The following CLSTN2 variants were observed in gnomAD, a reference collection of about 807,000 sequenced individuals.
CLSTN2 encodes the protein calsyntenin-2.
CLSTN2 carries 48 observed loss-of-function variants against 101.2 expected under a neutral mutation model. That is an observed-to-expected ratio of 0.47 (90% CI 0.38 to 0.60). The LOEUF (loss-of-function observed/expected upper bound fraction) is 0.60. Among genes scored for constraint, CLSTN2 ranks in the 20% least tolerant of loss-of-function variants. The probability of loss-of-function intolerance (pLI) is 0.00; values close to 1 mark genes in which losing one functional copy is unlikely to be tolerated. For missense variants in CLSTN2, 1,160 were observed against 1,238.2 expected (o/e 0.94, Z 0.95); for synonymous variants, 481 against 463.6 (o/e 1.04, Z -0.48).
rs2350511 is a variant in CLSTN2 at position 140,228,192 on chromosome 3, C to T, written c.232+52119C>T. On this transcript the variant is annotated intron_variant, in intron 2 of 16. Transcript: ENST00000458420. ...TAAAACTGAATGCCTTTAACAGCAC[C>T]CAAGTCACATCTTGAATGCTTTGCT... Among the ~76,000 whole-genome samples, 325 of 152,294 alleles carry T rather than the reference C, an allele frequency of 2.1e-3. 1 individual carries two copies. The highest frequency in any genetic ancestry group is 5.9e-3 in the Admixed American group (90 of 15,292).
chr3:140,147,404 C>G (rs1296476442), intron 1 of CLSTN2, among the ~76,000 whole-genome samples: 2 of 152,178 alleles, frequency 1.3e-5, no homozygotes, highest in African/African-American at 4.8e-5. Flanking sequence ...CAACTGCTTA[C>G]ACAGTTTTCC....
At chr3:140,537,265 C>T (rs1346345500) in intron 9 of CLSTN2, among the ~76,000 whole-genome samples, 1 of 152,178 alleles carries the variant, frequency 6.6e-6, no homozygotes, top group African/African-American at 2.4e-5. Flanking sequence ...TGGGAACTGG[C>T]TCTAGCACTG....
chr3:140,126,018 A>G (rs2009424102), intron 1 of CLSTN2, among the ~76,000 whole-genome samples: 1 of 152,072 alleles, frequency 6.6e-6, no homozygotes, highest in Non-Finnish European at 1.5e-5. Context: ...GAATGAGAGG[A>G]GGCGATAGGA....
At chr3:140,291,256 G>A (rs780510171) in intron 2 of CLSTN2, among the ~76,000 whole-genome samples, 36 of 152,144 alleles carry the variant, frequency 2.4e-4, no homozygotes, top group Non-Finnish European at 2.8e-4. Context: ...AATGCCTTGC[G>A]TACTCATGGC....
chr3:140,307,919 G>C (rs1002091865), intron 2 of CLSTN2, among the ~76,000 whole-genome samples: 7 of 152,144 alleles, frequency 4.6e-5, no homozygotes, highest in African/African-American at 9.7e-5. Context: ...TATGGTGAAG[G>C]CTCCCTCAGA....
At chr3:140,443,868 G>A (rs1334791101) in intron 5 of CLSTN2, among the ~76,000 whole-genome samples, 1 of 152,314 alleles carries the variant, frequency 6.6e-6, no homozygotes, top group South Asian at 2.1e-4. Context: ...GAGGCTATAA[G>A]ATGACAGCAG....
chr3:140,018,567 G>A (rs1010415538), intron 1 of CLSTN2, among the ~76,000 whole-genome samples: 19 of 152,198 alleles, frequency 1.2e-4, no homozygotes, highest in African/African-American at 4.3e-4. Context: ...GTGGCTCTCT[G>A]AGGAGGAACA....
intron 7 of CLSTN2, among the ~76,000 whole-genome samples, chr3:140,463,750 G>A (rs1933620460): frequency 6.6e-6 from 1 of 152,162 alleles, no homozygotes; most frequent in Admixed American, 6.5e-5. Flanking sequence ...AGGTTCCCTG[G>A]TACAATTTGG....
intron 1 of CLSTN2, among the ~76,000 whole-genome samples, chr3:139,993,756 A>G (rs144314022): frequency 1.9e-4 from 29 of 152,366 alleles, no homozygotes; most frequent in East Asian, 5.8e-4. Context: ...AACCACTTAC[A>G]TGACTTTGGG....
chr3:140,064,169 A>C (rs766136499), intron 1 of CLSTN2, among the ~76,000 whole-genome samples: 2 of 152,212 alleles, frequency 1.3e-5, no homozygotes, highest in Non-Finnish European at 2.9e-5. Context: ...CCAGCTGCTA[A>C]AAACACTTCT....
intron 10 of CLSTN2, among the ~76,000 whole-genome samples, chr3:140,552,223 C>T (rs760760260): frequency 1.8e-4 from 27 of 152,030 alleles, no homozygotes; most frequent in African/African-American, 6.3e-4. Flanking sequence ...TGTCTAGCAC[C>T]TTCTTGGCTC....
intron 1 of CLSTN2, among the ~76,000 whole-genome samples, chr3:139,971,254 G>A (rs545713185): frequency 2.0e-5 from 3 of 152,158 alleles, no homozygotes; most frequent in African/African-American, 7.2e-5. Flanking sequence ...AATTAGATGA[G>A]AGGCATCATA....
chr3:140,487,316 A>G (rs547293373), intron 8 of CLSTN2, among the ~76,000 whole-genome samples: 15 of 152,338 alleles, frequency 9.8e-5, no homozygotes, highest in Non-Finnish European at 1.9e-4. Flanking sequence ...AATACTTTGA[A>G]TCCTCATTGC....
chr3:140,540,117 G>A (rs1160141134), intron 9 of CLSTN2, among the ~76,000 whole-genome samples: 3 of 152,080 alleles, frequency 2.0e-5, no homozygotes, highest in Non-Finnish European at 1.5e-5. Context: ...GTTCCTTCAC[G>A]TGAAGAACAA....
At chr3:140,014,520 G>A (rs2007155796) in intron 1 of CLSTN2, among the ~76,000 whole-genome samples, 1 of 152,114 alleles carries the variant, frequency 6.6e-6, no homozygotes, top group Non-Finnish European at 1.5e-5. Context: ...TACCCAGCCA[G>A]GATGCAATTT....
chr3:140,398,923 C>G (rs2088211864), intron 2 of CLSTN2, among the ~76,000 whole-genome samples: 1 of 152,208 alleles, frequency 6.6e-6, no homozygotes, highest in Non-Finnish European at 1.5e-5. Context: ...TACCTGCTCA[C>G]AGGACTGAGG....
chr3:140,064,560 A>G (rs2008266405), intron 1 of CLSTN2, among the ~76,000 whole-genome samples: 1 of 152,206 alleles, frequency 6.6e-6, no homozygotes, highest in Non-Finnish European at 1.5e-5. Flanking sequence ...TACTAGAACA[A>G]CCAAAACTTA....
chr3:140,468,435 G>T (rs542011319), intron 8 of CLSTN2, among the ~76,000 whole-genome samples: 2 of 152,356 alleles, frequency 1.3e-5, no homozygotes, highest in South Asian at 4.1e-4. Flanking sequence ...TGGTTCTGAA[G>T]ATAAAGATAT....
intron 1 of CLSTN2, among the ~76,000 whole-genome samples, chr3:140,059,619 G>T (rs1560082551): frequency 6.6e-6 from 1 of 152,072 alleles, no homozygotes; most frequent in East Asian, 1.9e-4. Flanking sequence ...AGGATGGCAG[G>T]GTGGATATAA....
Sources: allele counts gnomAD v4.1 joint callset (sites outside exome capture counted in the v4.1 genomes callset), GRCh38; gene constraint gnomAD v4.1.1; transcripts MANE v1.5; gene names NCBI Gene and HGNC (gene_info 2026-07-23, HGNC 2026-07-21).